KMT2B: variants seen among roughly 807,000 people sequenced by gnomAD.
The protein encoded by KMT2B is histone-lysine N-methyltransferase 2B.
Under a neutral mutation model 255.3 loss-of-function variants are expected in KMT2B, and 22 were observed. That is an observed-to-expected ratio of 0.09 (90% CI 0.06 to 0.12). The LOEUF (loss-of-function observed/expected upper bound fraction) is 0.12. KMT2B is among the 10% of genes least tolerant of loss of function. The pLI, the probability that KMT2B is intolerant of heterozygous loss-of-function variation, is 1.00. For synonymous variants in KMT2B, 1,730 were observed against 1,498.1 expected (o/e 1.15, Z -3.57); for missense variants, 3,149 against 3,737.0 (o/e 0.84, Z 4.10).
chr19:35,734,699 G>A (rs1969850960), intron 30 of KMT2B, among the ~76,000 whole-genome samples: 2 of 152,218 alleles, frequency 1.3e-5, no homozygotes, highest in African/African-American at 4.8e-5. Flanking sequence ...TGGACTCCTT[G>A]AAGCTGGCGG....
In KMT2B at chr19:35,718,133, G is replaced by C; in HGVS notation, c.115G>C (p.Gly39Arg). Reference protein sequence around the residue: ...GGGGRGGRGNGAERVRVALRR... With the variant: ...GGGGRGGRGNRAERVRVALRR... Reference sequence around the variant, plus strand: ...CGGGGGCCGCGGCGGACGGGGCAACGGGGCCGAAAGAGTGCGGGTAGCTCT... The same window carrying C: ...CGGGGGCCGCGGCGGACGGGGCAACCGGGCCGAAAGAGTGCGGGTAGCTCT... Residue 39 changes from glycine (G) to arginine (R), a missense_variant, in exon 1 of 37, where the codon GGG (glycine) becomes CGG (arginine). This residue lies in a region of KMT2B where 1,188 missense variants were observed against 1,106.4 expected (regional missense o/e 1.07). Transcript: ENST00000420124. The surrounding 1 kb of genome is among the most constrained non-coding windows in gnomAD (Gnocchi z 5.0). 2 of 1,030,156 alleles carry C rather than the reference G, an allele frequency of 1.9e-6. No homozygotes were observed. Among genetic ancestry groups the C allele is most frequent in the Non-Finnish European group, 2.3e-6 (2 of 860,706 alleles). 63.8% of individuals were successfully genotyped at this position (1,030,156 alleles called of 1,614,324 possible). A position where few individuals can be genotyped will look rare whatever the true frequency, so the allele number is the denominator to read the frequency against.
chr19:35,722,003 C>CTTTTTTTTTTTTTTTTTTTTT (rs55836857), intron 3 of KMT2B, among the ~76,000 whole-genome samples, 199 bp downstream of exon 3: 1 of 134,622 alleles, frequency 7.4e-6, no homozygotes. Context: ...CCCTATCTTC[C>CTTTTTTTTTTTTTTTTTTTTT]TTTTTTTTTT....
intron 30 of KMT2B, among the ~76,000 whole-genome samples, chr19:35,734,999 C>T (rs956783592): frequency 1.3e-5 from 2 of 152,110 alleles, no homozygotes; most frequent in Admixed American, 6.5e-5. Context: ...CATTTTGGTG[C>T]GGGACACAGA....
chr19:35,720,162 C>G lies in KMT2B; in HGVS notation c.815C>G (p.Pro272Arg). Residue 272 changes from proline to arginine, a missense_variant, in exon 3 of 37, where the codon CCC (proline) becomes CGC (arginine). Coordinates refer to ENST00000420124, the MANE Select transcript of KMT2B (RefSeq NM_014727.3). ...GGCAGCTGGAAATGCAAGGAGGGGC[C>G]CGGTCCAGGACCTGGGACCCCCAGG... is the stretch of plus-strand genomic sequence containing the variant. The part of the protein sequence containing the change: ...QTGSWKCKEG[P>R]GPGPGTPRRG... 1 of 1,602,258 alleles carries G rather than the reference C, an allele frequency of 6.2e-7. No homozygotes were observed. The highest frequency in any genetic ancestry group is 8.5e-7 in the Non-Finnish European group (1 of 1,174,882).
rs938415096 is a variant in KMT2B, at chr19:35,720,446, G to A, written c.1099G>A (p.Glu367Lys). Reference protein sequence around the residue: ...QEQKLDDEEEEKKEEEEKDKE... With the variant: ...QEQKLDDEEEKKKEEEEKDKE... Reference sequence around the variant, plus strand: ...ACAGAAGCTGGATGACGAGGAAGAAGAGAAGAAAGAAGAAGAAGAAAAAGA... The same window carrying A: ...ACAGAAGCTGGATGACGAGGAAGAAAAGAAGAAAGAAGAAGAAGAAAAAGA... Residue 367 changes from glutamate to lysine, a missense_variant, in exon 3 of 37, where the codon GAG (glutamate) becomes AAG (lysine). By Grantham distance (56) the Glu-to-Lys change is moderately conservative (BLOSUM62 1). Transcript: ENST00000420124. 5.8e-6 allele frequency: 9 copies of A among 1,552,744 alleles called. No individual in the cohort carries two copies. Among genetic ancestry groups the A allele is most frequent in the Admixed American group, 2.0e-5 (1 of 51,012 alleles).
intron 3 of KMT2B, among the ~76,000 whole-genome samples, chr19:35,722,012 T>A (rs1238952598): frequency 1.3e-5 from 2 of 151,292 alleles, no homozygotes; most frequent in Non-Finnish European, 2.9e-5. Flanking sequence ...CCTTTTTTTT[T>A]TTTTTTTATT....
At chr19:35,728,196 G>C (rs923027869) in intron 19 of KMT2B, 25 bp downstream of exon 19, 1 of 1,561,956 alleles carries the variant, frequency 6.4e-7, no homozygotes, top group Middle Eastern at 1.9e-4. Context: ...GTAGCAGAAG[G>C]GAAGCCGGGG....
rs757924125 is a variant in KMT2B, at chr19:35,737,389, T to C, written c.7550+126T>C. The C allele has an allele frequency of 1.8e-5, 20 of 1,092,958 alleles. No homozygotes were observed. The highest frequency in any genetic ancestry group is 2.3e-5 in the Non-Finnish European group (18 of 790,134). 67.7% of individuals were successfully genotyped at this position (1,092,958 alleles called of 1,614,324 possible). On this transcript the variant is annotated intron_variant, in intron 33 of 36. Coordinates refer to ENST00000420124, the MANE Select transcript of KMT2B (RefSeq NM_014727.3). This position sits in a 1 kb window ranked among gnomAD's most constrained non-coding sequence, Gnocchi z 5.3. ...AGACACTAGGTCACTTGAAGAGTTA[T>C]TTCTAGAGTTAGCCAGGCTCCGTGG...
chr19:35,730,266 CCT>C (rs1969639758), intron 23 of KMT2B, 74 bp from the exon 24 acceptor site: 3 of 1,602,300 alleles, frequency 1.9e-6, no homozygotes, highest in Non-Finnish European at 2.6e-6. Flanking sequence ...AGGCCAAGCC[CCT>C]GACTGTTCAG....
Position 35,727,058 on chromosome 19 carries a change from A to G in KMT2B, c.4004-98A>G, listed in dbSNP as rs1375960754. The stretch of plus-strand genomic sequence containing the variant: ...TAGTAGGGGCCCAAAACAGGGGCAT[A>G]GTGGAGGCAGCTAAGGTACTGCTAA... On this transcript the variant is annotated intron_variant, in intron 14 of 36. Transcript: ENST00000420124. The surrounding 1 kb of genome is among the most constrained non-coding windows in gnomAD (Gnocchi z 4.2). 2 of 728,900 alleles carry G rather than the reference A, an allele frequency of 2.7e-6. No homozygotes were observed. Among genetic ancestry groups the G allele is most frequent in the African/African-American group, 1.8e-5 (1 of 56,106 alleles). The allele number at this position is 728,900 out of a possible 1,614,324, so 45.2% of individuals were successfully genotyped here.
rs1224595560 is a variant in KMT2B at position 35,721,642 on chromosome 19, A to G, written c.2295A>G (p.Ser765=). 4 of 1,612,032 alleles carry G rather than the reference A, an allele frequency of 2.5e-6. No homozygotes were observed. Among genetic ancestry groups the G allele is most frequent in the Admixed American group, 1.7e-5 (1 of 59,872 alleles). Reference sequence around the variant, plus strand: ...AGCCACAGCTGCAGCCACCGCCGTCACCACAGCAGATGCCTCCCCTGGAAA... The same window carrying G: ...AGCCACAGCTGCAGCCACCGCCGTCGCCACAGCAGATGCCTCCCCTGGAAA... ...PPQPQLQPPP[S]PQQMPPLEKA... is the part of the protein sequence containing the mutation. Residue 765 remains serine (S), a synonymous_variant, in exon 3 of 37, where the codon TCA becomes TCG. Coordinates refer to ENST00000420124, the MANE Select transcript of KMT2B (RefSeq NM_014727.3).
chr19:35,736,590 AGG>A (rs1969926122), intron 30 of KMT2B, 98 bp from the exon 31 acceptor site: 1 of 1,403,906 alleles, frequency 7.1e-7, no homozygotes, highest in Non-Finnish European at 9.8e-7. Context: ...GTCTGCGCCT[AGG>A]GGTGGAGAGA....
At position 35,725,056 on chromosome 19, in the gene KMT2B, A is replaced by T. The variant is rs1290364302; in HGVS notation, c.3497A>T (p.Asp1166Val). The change falls in exon 10 of 37, where the codon GAT becomes GTT. Residue 1166 changes from aspartate to valine, a missense_variant. Coordinates refer to ENST00000420124, the MANE Select transcript of KMT2B (RefSeq NM_014727.3). The surrounding 1 kb of genome is among the most constrained non-coding windows in gnomAD (Gnocchi z 4.1). ...NGWTGKQKSPDGVHRVRVDFK... is the reference protein window; with the variant it reads ...NGWTGKQKSPVGVHRVRVDFK... Reference sequence around the variant, plus strand: ...TGGACTGGAAAGCAGAAGTCTCCCGATGGTGTGCACCGCGTCCGTGTGGAT... The same window carrying T: ...TGGACTGGAAAGCAGAAGTCTCCCGTTGGTGTGCACCGCGTCCGTGTGGAT... 1 of 1,613,642 alleles carries T rather than the reference A, an allele frequency of 6.2e-7. No homozygotes were observed. Among genetic ancestry groups the T allele is most frequent in the African/African-American group, 1.3e-5 (1 of 74,912 alleles).
Position 35,725,369 on chromosome 19 carries a change from C to T in KMT2B, c.3642+36C>T. Reference sequence around the variant, plus strand: ...TGCCTTTCTTCACAGACCCCCAGCTCTCTGTCGGTCCTCACGGCCTGATTC... The same window carrying T: ...TGCCTTTCTTCACAGACCCCCAGCTTTCTGTCGGTCCTCACGGCCTGATTC... On this transcript the variant is annotated intron_variant, in intron 11 of 36. Coordinates refer to ENST00000420124, the MANE Select transcript of KMT2B (RefSeq NM_014727.3). This position sits in a 1 kb window ranked among gnomAD's most constrained non-coding sequence, Gnocchi z 4.1. 2 of 1,559,806 alleles carry T rather than the reference C, an allele frequency of 1.3e-6. No individual in the cohort carries two copies. The highest frequency in any genetic ancestry group is 1.7e-6 in the Non-Finnish European group (2 of 1,151,422).
chr19:35,726,215 A>T, intron 13 of KMT2B, 21 bp from the exon 14 acceptor site: 1 of 1,595,606 alleles, frequency 6.3e-7, no homozygotes, highest in Non-Finnish European at 8.6e-7. Flanking sequence ...GTTTTCCCCT[A>T]ACATCGCCCT....
chr19:35,724,861 C>T, intron 9 of KMT2B, 128 bp from the exon 10 acceptor site: 1 of 1,062,528 alleles, frequency 9.4e-7, no homozygotes, highest in Non-Finnish European at 1.4e-6. Flanking sequence ...GCGGGCCTTG[C>T]CTGTCTGGAA....
chr19:35,732,391 G>A lies in KMT2B; in HGVS notation c.5842G>A (p.Val1948Ile), dbSNP rs749284326. The A allele has an allele frequency of 2.2e-5, 35 of 1,612,934 alleles. No individual in the cohort carries two copies. Among genetic ancestry groups the A allele is most frequent in the Admixed American group, 3.3e-5 (2 of 59,916 alleles). ...CAGGGTGCCCCCTCCTACCTCAGTCGTCACAGCCCTCACACCTACCTCAGG... is the reference window on the plus strand; with the variant it reads ...CAGGGTGCCCCCTCCTACCTCAGTCATCACAGCCCTCACACCTACCTCAGG... ...QLRVPPPTSV[V>I]TALTPTSGEL... Residue 1948 changes from valine (V) to isoleucine (I), a missense_variant, in exon 28 of 37, where the codon GTC becomes ATC. This residue lies in a region of KMT2B where 897 missense variants were observed against 825.3 expected (regional missense o/e 1.09). Coordinates refer to ENST00000420124, the MANE Select transcript of KMT2B (RefSeq NM_014727.3).
At position 35,727,764 on chromosome 19, in the gene KMT2B, G is replaced by A. The variant is rs573580601; in HGVS notation, c.4369G>A (p.Glu1457Lys). Reference protein sequence around the residue: ...CGLQAVSQRFEDGHYKSVHSF... With the variant: ...CGLQAVSQRFKDGHYKSVHSF... ...CCTGCAAGCTGTGAGTCAGCGCTTC[G>A]AGGATGGCCACTACAAGTCTGTGGT... The change falls in exon 17 of 37, where the codon GAG becomes AAG. Residue 1457 changes from glutamate (E) to lysine (K), a missense_variant. Physicochemically the swap from Glu to Lys is moderately conservative, Grantham distance 56. Coordinates refer to ENST00000420124, the MANE Select transcript of KMT2B (RefSeq NM_014727.3). This position sits in a 1 kb window ranked among gnomAD's most constrained non-coding sequence, Gnocchi z 4.2. 1 of 1,613,888 alleles carries A rather than the reference G, an allele frequency of 6.2e-7. No individual in the cohort carries two copies. Among genetic ancestry groups the A allele is most frequent in the Non-Finnish European group, 8.5e-7 (1 of 1,179,902 alleles).
In KMT2B at chr19:35,738,208, T is replaced by C; in HGVS notation, c.7872+17T>C. 6.2e-7 allele frequency: 1 copy of C among 1,613,770 alleles called. No individual in the cohort carries two copies. Among genetic ancestry groups the C allele is most frequent in the Non-Finnish European group, 8.5e-7 (1 of 1,179,810 alleles). On this transcript the variant is annotated intron_variant, in intron 36 of 36. Coordinates refer to ENST00000420124, the MANE Select transcript of KMT2B (RefSeq NM_014727.3). This position sits in a 1 kb window ranked among gnomAD's most constrained non-coding sequence, Gnocchi z 8.7. ...GATGGGAAGGTGGGCTCCCAGTGGC[T>C]GTGGGAAGACAGTGGGTGAAGCGAG...
Sources: allele counts gnomAD v4.1 joint callset (sites outside exome capture counted in the v4.1 genomes callset), GRCh38; gene constraint gnomAD v4.1.1; regional missense constraint gnomAD v4.1.1; non-coding constraint Gnocchi (gnomAD v3.1); transcripts MANE v1.5; gene names NCBI Gene and HGNC (gene_info 2026-07-23, HGNC 2026-07-21).